DAB1: variants seen among roughly 807,000 people sequenced by gnomAD.
The protein encoded by DAB1 is disabled homolog 1.
A neutral mutation model predicts 64.6 loss-of-function variants in DAB1; 15 were observed. That is an observed-to-expected ratio of 0.23 (90% confidence interval 0.16 to 0.36). The LOEUF is 0.36. Ranked by LOEUF, DAB1 falls within the 10% of genes least tolerant of loss-of-function variation. The pLI, the probability that DAB1 is intolerant of heterozygous loss-of-function variation, is 1.00. For missense variants in DAB1, 596 were observed against 706.7 expected (o/e 0.84, Z 1.78); for synonymous variants, 235 against 251.9 (o/e 0.93, Z 0.64).
In DAB1 at chr1:57,029,370, C is replaced by T. The variant is rs539171512; in HGVS notation, c.724-3327G>A. On this transcript the variant is annotated intron_variant, in intron 9 of 14. Transcript: ENST00000371236. The stretch of plus-strand genomic sequence containing the variant: ...GCAGAAGTTTGCTGCAAGGACAGGG[C>T]CCTCAGGAAAACTCCTGCTAGGGCA... Among the ~76,000 whole-genome samples, 4 of 152,292 alleles carry T rather than the reference C, an allele frequency of 2.6e-5. No homozygotes were observed. In the South Asian group the frequency reaches 6.2e-4, roughly 24 times the overall value.
At chr1:57,185,265 T>C (rs1663417803) in intron 2 of DAB1, among the ~76,000 whole-genome samples, 1 of 152,182 alleles carries the variant, frequency 6.6e-6, no homozygotes, top group African/African-American at 2.4e-5. Context: ...ACCCTGGGCA[T>C]TCTCTCTCCT....
At chr1:57,762,758 G>A (rs1455291231) in intron 6 of DAB1, among the ~76,000 whole-genome samples, 1 of 152,104 alleles carries the variant, frequency 6.6e-6, no homozygotes, top group African/African-American at 2.4e-5. Flanking sequence ...ACAAATTTTT[G>A]GGAAACCACG....
intron 4 of DAB1, among the ~76,000 whole-genome samples, chr1:57,090,958 C>A (rs932377208): frequency 1.1e-4 from 16 of 152,104 alleles, no homozygotes; most frequent in Non-Finnish European, 2.1e-4. Context: ...ACACTCCTTA[C>A]GAGAATCTAA....
chr1:58,394,732 G>A (rs376127805), intron 3 of DAB1, among the ~76,000 whole-genome samples: 6 of 152,270 alleles, frequency 3.9e-5, no homozygotes, highest in African/African-American at 7.2e-5. Context: ...ATGATTGCCC[G>A]GGGCTGGCAA....
intron 11 of DAB1, among the ~76,000 whole-genome samples, chr1:57,020,955 A>T (rs1194046530): frequency 6.6e-6 from 1 of 152,168 alleles, no homozygotes; most frequent in Non-Finnish European, 1.5e-5. Flanking sequence ...CATCCGTTGT[A>T]TCACATACTC....
intron 1 of DAB1, among the ~76,000 whole-genome samples, chr1:57,373,957 C>T (rs1377876050): frequency 6.6e-6 from 1 of 152,088 alleles, no homozygotes; most frequent in Non-Finnish European, 1.5e-5. Flanking sequence ...AAGCATATCC[C>T]AAAGGGGATA....
chr1:58,450,846 A>G (rs1244999008), intron 3 of DAB1, among the ~76,000 whole-genome samples: 1 of 152,214 alleles, frequency 6.6e-6, no homozygotes, highest in African/African-American at 2.4e-5. Context: ...TAAAGTCAGC[A>G]GTTATGTTGG....
chr1:58,447,338 C>G (rs1217320132), intron 3 of DAB1, among the ~76,000 whole-genome samples: 2 of 152,050 alleles, frequency 1.3e-5, no homozygotes, highest in Admixed American at 6.6e-5. Context: ...TGACTGGGTA[C>G]AAAGTCATCT....
intron 5 of DAB1, among the ~76,000 whole-genome samples, chr1:58,054,583 A>G (rs145434398): frequency 6.6e-6 from 1 of 152,360 alleles, no homozygotes; most frequent in East Asian, 1.9e-4. Context: ...CATAAAACCC[A>G]TTATCAGCTC....
intron 7 of DAB1, among the ~76,000 whole-genome samples, chr1:57,502,509 ATTTG>A (rs1644302430): frequency 6.6e-6 from 1 of 151,960 alleles, no homozygotes; most frequent in Admixed American, 6.6e-5. Flanking sequence ...ACCCTTATTT[ATTTG>A]TTTGTTTGTA....
chr1:57,056,504 C>CAAAA (rs71051216), intron 9 of DAB1, among the ~76,000 whole-genome samples: 1 of 87,030 alleles, frequency 1.1e-5, no homozygotes. Context: ...GAGCCTGTCT[C>CAAAA]AAAAAAAAAA....
At chr1:57,411,389 A>G (rs1684100474) in intron 1 of DAB1, among the ~76,000 whole-genome samples, 1 of 152,194 alleles carries the variant, frequency 6.6e-6, no homozygotes, top group Non-Finnish European at 1.5e-5. Context: ...ACATTCACTG[A>G]CCTAAGATAT....
chr1:57,538,556 C>T (rs1449771874), intron 7 of DAB1, among the ~76,000 whole-genome samples: 2 of 152,196 alleles, frequency 1.3e-5, no homozygotes, highest in African/African-American at 4.8e-5. Flanking sequence ...AAGCTTTAGA[C>T]AAGAAAGAGC....
chr1:57,790,284 G>A (rs187594173), intron 6 of DAB1, among the ~76,000 whole-genome samples: 48 of 152,254 alleles, frequency 3.2e-4, no homozygotes, highest in Non-Finnish European at 4.9e-4. Flanking sequence ...GAGTTCTCAC[G>A]AGATTTGATG....
intron 3 of DAB1, among the ~76,000 whole-genome samples, chr1:58,434,540 T>C (rs966789024): frequency 6.6e-6 from 1 of 152,246 alleles, no homozygotes; most frequent in Non-Finnish European, 1.5e-5. Flanking sequence ...GGATTCCTTT[T>C]TGACTTGTTG....
chr1:58,020,514 G>A (rs2100452259), intron 5 of DAB1, among the ~76,000 whole-genome samples: 1 of 152,258 alleles, frequency 6.6e-6, no homozygotes, highest in Non-Finnish European at 1.5e-5. Context: ...ATTTAACCAA[G>A]GTAAATTCCA....
At chr1:58,145,367 T>G (rs1654531684) in intron 5 of DAB1, among the ~76,000 whole-genome samples, 1 of 152,192 alleles carries the variant, frequency 6.6e-6, no homozygotes, top group South Asian at 2.1e-4. Flanking sequence ...CCGCAACACA[T>G]GACGCATCTC....
chr1:57,113,414 C>G (rs1655835070), intron 4 of DAB1, among the ~76,000 whole-genome samples: 1 of 152,118 alleles, frequency 6.6e-6, no homozygotes, highest in African/African-American at 2.4e-5. Flanking sequence ...GTAATTTTAG[C>G]TTTTAAAATT....
intron 14 of DAB1, among the ~76,000 whole-genome samples, chr1:57,006,819 A>T (rs183839992): frequency 6.6e-6 from 1 of 152,308 alleles, no homozygotes; most frequent in African/African-American, 2.4e-5. Flanking sequence ...AAAGCTTATA[A>T]AACACTTTCA....
Sources: gnomAD v4.1 joint callset for allele counts (sites outside exome capture counted in the v4.1 genomes callset) on GRCh38, gnomAD v4.1.1 for gene constraint, MANE v1.5 for transcripts, NCBI Gene and HGNC (gene_info 2026-07-23, HGNC 2026-07-21) for gene names.